ACAT1: variants seen among roughly 807,000 people sequenced by gnomAD.
ACAT1 encodes acetyl-CoA acetyltransferase, mitochondrial.
In ACAT1, 28 loss-of-function variants were observed where a neutral mutation model predicts 47.3. The ratio of observed to expected loss-of-function variants is 0.59; its 90% confidence interval spans 0.44 to 0.81. The LOEUF is 0.81. ACAT1 is among the 30% of genes least tolerant of loss of function. The pLI, the probability that ACAT1 is intolerant of heterozygous loss-of-function variation, is 0.00. For missense variants in ACAT1, 469 were observed against 524.3 expected, an observed-to-expected ratio of 0.89 and a Z score of 1.03; for synonymous variants, 181 against 173.6, an observed-to-expected ratio of 1.04 and a Z score of -0.34.
At chr11:108,145,661 A>C (rs532006150) in intron 10 of ACAT1, among the ~76,000 whole-genome samples, 1 of 152,250 alleles carries the variant, frequency 6.6e-6, no homozygotes, top group Non-Finnish European at 1.5e-5. Flanking sequence ...ATATCTGTGG[A>C]AAGAAAATCA....
chr11:108,122,154 T>C lies in ACAT1; in HGVS notation c.72+476T>C, dbSNP rs556354054. On this transcript the variant is annotated intron_variant, in intron 1 of 11. Transcript: ENST00000265838. ...AAGGGGAGAGGGCACCATGTGATCA[T>C]AACAGATGTTTTTTGGAGCAGCCTG... Among the ~76,000 whole-genome samples, 6 of 152,362 alleles carry C rather than the reference T, an allele frequency of 3.9e-5. No individual in the cohort carries two copies. In the East Asian group the frequency reaches 5.8e-4, roughly 15 times the overall value.
At chr11:108,134,176 A>T in intron 3 of ACAT1, 45 bp from the exon 4 acceptor site, 1 of 1,511,948 alleles carries the variant, frequency 6.6e-7, no homozygotes, top group South Asian at 1.1e-5. Flanking sequence ...ACTGATTATT[A>T]AATTGAATTA....
At chr11:108,134,065 T>G in intron 3 of ACAT1, 128 bp downstream of exon 3, 11 of 1,169,150 alleles carry the variant, frequency 9.4e-6, no homozygotes, top group Non-Finnish European at 1.4e-5. Flanking sequence ...CTTTCCCTTG[T>G]AAAGAAGTCT....
chr11:108,141,685 T>C lies in ACAT1; in HGVS notation c.811T>C (p.Phe271Leu). The change falls in exon 8 of 12, where the codon TTC becomes CTC. Residue 271 changes from phenylalanine to leucine, a missense_variant. Transcript: ENST00000265838. ...FSKVPKLKTVFQKENGTVTAA... is the reference protein window; with the variant it reads ...FSKVPKLKTVLQKENGTVTAA... ...CAAAGTTCCAAAGCTGAAGACAGTT[T>C]TCCAGAAAGAAAATGGTTAGTGTTA... is the stretch of plus-strand genomic sequence containing the variant. 6.2e-7 allele frequency: 1 copy of C among 1,612,682 alleles called. No individual in the cohort carries two copies. Among genetic ancestry groups the C allele is most frequent in the Middle Eastern group, 1.7e-4 (1 of 6,048 alleles).
chr11:108,142,681 T>TA, intron 9 of ACAT1, 131 bp downstream of exon 9: 1 of 729,882 alleles, frequency 1.4e-6, no homozygotes, highest in Non-Finnish European at 2.4e-6. Context: ...TACAAAAAGT[T>TA]AAAAAATTAG....
upstream of ACAT1, among the ~76,000 whole-genome samples, chr11:108,119,361 G>T (rs761885646): frequency 2.0e-5 from 3 of 152,138 alleles, no homozygotes; most frequent in South Asian, 2.1e-4. Context: ...CCACTACCAT[G>T]CCCAGCTAAT....
At chr11:108,135,921 G>A in intron 5 of ACAT1, 1 of 422,226 alleles carries the variant, frequency 2.4e-6, no homozygotes, top group South Asian at 8.1e-5. Flanking sequence ...AATAAGACAG[G>A]TTTTCATTAT....
upstream of ACAT1, among the ~76,000 whole-genome samples, chr11:108,119,985 TG>T (rs2077121230): frequency 6.6e-6 from 1 of 151,992 alleles, no homozygotes; most frequent in Admixed American, 6.6e-5. Flanking sequence ...GGAGGCCTAG[TG>T]GGGGCGGATT....
At chr11:108,124,296 T>C (rs946666039) in intron 1 of ACAT1, among the ~76,000 whole-genome samples, 1 of 152,172 alleles carries the variant, frequency 6.6e-6, no homozygotes, top group Non-Finnish European at 1.5e-5. Flanking sequence ...CAAGTTTCGC[T>C]CTTGTTGCCC....
chr11:108,121,770 C>G, intron 1 of ACAT1, 92 bp downstream of exon 1: 2 of 1,429,544 alleles, frequency 1.4e-6, no homozygotes, highest in South Asian at 2.5e-5. Flanking sequence ...GCGGCTCCCG[C>G]GGCCCGGGCG....
chr11:108,137,140 C>A (rs1431749101), intron 5 of ACAT1, among the ~76,000 whole-genome samples: 1 of 152,054 alleles, frequency 6.6e-6, no homozygotes, highest in Admixed American at 6.6e-5. Context: ...AATTGGGGAA[C>A]ACAAAGGAGG....
At chr11:108,143,273 G>C (rs1313581364) in intron 9 of ACAT1, 1 of 152,134 alleles carries the variant, frequency 6.6e-6, no homozygotes, top group African/African-American at 2.4e-5. Flanking sequence ...GCAAGATCTT[G>C]TCTCTTTTTC....
rs146331027 is a variant in ACAT1, at chr11:108,129,620, G to C, written c.73-2287G>C. On this transcript the variant is annotated intron_variant, in intron 1 of 11. Transcript: ENST00000265838. ...CCGACCTCATTATCCGCCCGCCTCAGCCTCCTAAAGTGCTGGGATTAAAGG... is the reference window on the plus strand; with the variant it reads ...CCGACCTCATTATCCGCCCGCCTCACCCTCCTAAAGTGCTGGGATTAAAGG... 4.4e-3 allele frequency among the ~76,000 whole-genome samples: 663 copies of C among 152,254 alleles called. 4 individuals carry two copies. Among genetic ancestry groups the C allele is most frequent in the African/African-American group, 0.015 (617 of 41,556 alleles).
At chr11:108,145,660 G>A (rs1390488757) in intron 10 of ACAT1, among the ~76,000 whole-genome samples, 1 of 152,178 alleles carries the variant, frequency 6.6e-6, no homozygotes, top group East Asian at 1.9e-4. Flanking sequence ...AATATCTGTG[G>A]AAAGAAAATC....
chr11:108,144,144 AG>A, intron 10 of ACAT1, 97 bp downstream of exon 10: 1 of 1,368,002 alleles, frequency 7.3e-7, no homozygotes, highest in Non-Finnish European at 1.0e-6. Flanking sequence ...TATCTGCCAA[AG>A]CAGAGAGATA....
chr11:108,128,886 TTTAA>T (rs2077300224), intron 1 of ACAT1: 1 of 152,318 alleles, frequency 6.6e-6, no homozygotes. Flanking sequence ...ACTTTTAAAA[TTTAA>T]TTTTTATTTC....
intron 5 of ACAT1, chr11:108,136,178 C>A: frequency 1.7e-6 from 1 of 571,792 alleles, no homozygotes; most frequent in Non-Finnish European, 3.1e-6. Context: ...CTTCATTTTT[C>A]AGATGAAGAT....
intron 1 of ACAT1, among the ~76,000 whole-genome samples, chr11:108,131,372 T>TTTTTTTTTTTA (rs1555031491): frequency 7.0e-6 from 1 of 142,452 alleles, no homozygotes; most frequent in African/African-American, 2.6e-5. Flanking sequence ...TTTTTTTTTT[T>TTTTTTTTTTTA]AGACAGTCTT....
At chr11:108,129,408 G>A (rs1447757843) in intron 1 of ACAT1, among the ~76,000 whole-genome samples, 3 of 151,798 alleles carry the variant, frequency 2.0e-5, no homozygotes, top group East Asian at 1.9e-4. Context: ...TTGCTCTGTC[G>A]CCCAGGCTGG....
Sources: allele counts gnomAD v4.1 joint callset (sites outside exome capture counted in the v4.1 genomes callset), GRCh38; gene constraint gnomAD v4.1.1; transcripts MANE v1.5; gene names NCBI Gene and HGNC (gene_info 2026-07-23, HGNC 2026-07-21).